BTBD7: variants seen among roughly 807,000 people sequenced by gnomAD.
BTBD7 encodes BTB domain containing 7.
BTBD7 carries 38 observed loss-of-function variants against 99.9 expected under a neutral mutation model. The observed-to-expected ratio is 0.38, with a 90% CI of 0.29 to 0.50. The LOEUF (loss-of-function observed/expected upper bound fraction) is 0.50. Among genes scored for constraint, BTBD7 ranks in the 20% least tolerant of loss-of-function variants. The pLI is 0.93. For synonymous variants in BTBD7, 520 were observed against 511.4 expected, an observed-to-expected ratio of 1.02 and a Z score of -0.23; for missense variants, 1,170 against 1,394.6, an observed-to-expected ratio of 0.84 and a Z score of 2.57.
chr14:93,331,785 A>T (rs1179723814), intron 1 of BTBD7, among the ~76,000 whole-genome samples: 2 of 151,822 alleles, frequency 1.3e-5, no homozygotes, highest in Non-Finnish European at 2.9e-5. Flanking sequence ...GGAGGCTGAG[A>T]CAGGAGAATC....
At position 93,240,374 on chromosome 14, in the gene BTBD7, AAAG is replaced by A. The variant is rs1453543088; in HGVS notation, c.*1896_*1898del. The A allele has an allele frequency of 6.6e-6, 1 of 152,650 alleles. No homozygotes were observed. The highest frequency in any genetic ancestry group is 1.5e-5 in the Non-Finnish European group (1 of 68,036). 9.5% of individuals were successfully genotyped at this position (152,650 alleles called of 1,614,324 possible). ...ATTCCTGAGTGTATATCCACAGGGT[AAAG>A]GAGGAAAAGACCGTAAGAGAAACTA... On this transcript the variant is annotated 3_prime_UTR_variant, in exon 11 of 11. Transcript: ENST00000334746.
intron 1 of BTBD7, among the ~76,000 whole-genome samples, chr14:93,313,533 A>G (rs760237157): frequency 6.6e-6 from 1 of 152,192 alleles, no homozygotes; most frequent in Non-Finnish European, 1.5e-5. Context: ...AGTACATCAC[A>G]TTCCACTAAT....
chr14:93,328,567 C>T (rs1454498195), intron 1 of BTBD7, among the ~76,000 whole-genome samples: 1 of 144,726 alleles, frequency 6.9e-6, no homozygotes, highest in Admixed American at 7.1e-5. Flanking sequence ...AATAGATATC[C>T]ACACATAAAG....
intron 5 of BTBD7, among the ~76,000 whole-genome samples, chr14:93,261,192 A>G (rs1470034441): frequency 6.6e-6 from 1 of 152,220 alleles, no homozygotes; most frequent in Non-Finnish European, 1.5e-5. Context: ...TATTTAAAAC[A>G]TTTTAAAGCG....
intron 3 of BTBD7, among the ~76,000 whole-genome samples, chr14:93,290,987 GT>G (rs34246296): frequency 0.017 from 1,313 of 76,786 alleles, 4 homozygotes; most frequent in South Asian, 0.076. Context: ...GCTAGGCCTA[GT>G]TTTTTTTTTT....
intron 1 of BTBD7, among the ~76,000 whole-genome samples, chr14:93,304,687 T>C (rs2053049792): frequency 6.6e-6 from 1 of 152,078 alleles, no homozygotes; most frequent in Admixed American, 6.6e-5. Context: ...CAGAGAGAAA[T>C]AGAACTGACA....
intron 3 of BTBD7, among the ~76,000 whole-genome samples, chr14:93,285,703 T>C (rs1255914266): frequency 4.6e-5 from 7 of 152,198 alleles, no homozygotes; most frequent in African/African-American, 1.4e-4. Context: ...CCAGTATATA[T>C]GCTAAGGTCA....
intron 7 of BTBD7, among the ~76,000 whole-genome samples, chr14:93,252,310 T>TAAAA (rs202045410): frequency 7.3e-6 from 1 of 137,102 alleles, no homozygotes; most frequent in South Asian, 2.3e-4. Flanking sequence ...AACTCCGTCT[T>TAAAA]AAAAAAAAAA....
chr14:93,304,384 T>C (rs2053045667), intron 1 of BTBD7, among the ~76,000 whole-genome samples: 1 of 152,242 alleles, frequency 6.6e-6, no homozygotes, highest in Non-Finnish European at 1.5e-5. Flanking sequence ...CGGAGTCTCG[T>C]GCTGTCGCCC....
rs79182521 is a variant in BTBD7, at chr14:93,242,097, A to C, written c.*176T>G. 2.2e-5 allele frequency: 13 copies of C among 592,558 alleles called. No individual in the cohort carries two copies. Among genetic ancestry groups the C allele is most frequent in the African/African-American group, 9.3e-5 (5 of 54,044 alleles). 36.7% of individuals were successfully genotyped at this position (592,558 alleles called of 1,614,324 possible). A position where few individuals can be genotyped will look rare whatever the true frequency, so the allele number is the denominator to read the frequency against. On this transcript the variant is annotated 3_prime_UTR_variant, in exon 11 of 11. Transcript: ENST00000334746. ...GACAGATGCAACATTAAAAAAAAAA[A>C]ACAAAACCTTCTTAGCATGCCATGT...
intron 3 of BTBD7, among the ~76,000 whole-genome samples, chr14:93,293,638 C>T (rs142170862): frequency 9.2e-5 from 14 of 152,238 alleles, no homozygotes; most frequent in Admixed American, 7.2e-4. Flanking sequence ...TCATTTAATG[C>T]TCTGAAGTCA....
intron 8 of BTBD7, among the ~76,000 whole-genome samples, chr14:93,250,603 T>C (rs1385825123): frequency 6.6e-6 from 1 of 152,238 alleles, no homozygotes; most frequent in Non-Finnish European, 1.5e-5. Flanking sequence ...TCTATTGCTA[T>C]AGTGTGCTGG....
intron 1 of BTBD7, among the ~76,000 whole-genome samples, chr14:93,300,702 ATTTGTG>A (rs1439713823): frequency 1.6e-4 from 17 of 107,554 alleles, no homozygotes; most frequent in South Asian, 3.4e-4. Flanking sequence ...TGCCCAGCTA[ATTTGTG>A]TGTGTGTGTG....
intron 10 of BTBD7, among the ~76,000 whole-genome samples, chr14:93,244,801 A>G (rs1211305277): frequency 6.6e-6 from 1 of 152,038 alleles, no homozygotes; most frequent in African/African-American, 2.4e-5. Context: ...CTTTTCTTCT[A>G]ACTTGCTACT....
Position 93,294,329 on chromosome 14 carries a change from T to A in BTBD7, c.691A>T (p.Asn231Tyr). The A allele has an allele frequency of 2.5e-6, 4 of 1,614,188 alleles. No individual in the cohort carries two copies. The highest frequency in any genetic ancestry group is 3.4e-6 in the Non-Finnish European group (4 of 1,180,036). Residue 231 changes from asparagine to tyrosine, a missense_variant, in exon 3 of 11, where the codon AAT becomes TAT. Around this residue, in one of 4 missense-constraint regions of BTBD7, gnomAD observed 359 missense variants for 497.9 expected, o/e 0.72. Coordinates refer to ENST00000334746, the MANE Select transcript of BTBD7 (RefSeq NM_001002860.4). ...CCACGCATATCTACATCAAGGGAAT[T>A]TGGTGTTCCAAATTCTTCACTAAGC... ...VQLSEEFGTP[N>Y]SLDVDMRGLF...
intron 1 of BTBD7, among the ~76,000 whole-genome samples, chr14:93,302,114 A>G (rs1566857883): frequency 6.6e-6 from 1 of 152,170 alleles, no homozygotes; most frequent in Non-Finnish European, 1.5e-5. Context: ...CAAGGCTGGA[A>G]ATCAGTTGTT....
intron 6 of BTBD7, among the ~76,000 whole-genome samples, chr14:93,254,233 G>A (rs1019320171): frequency 3.3e-5 from 5 of 151,878 alleles, no homozygotes; most frequent in East Asian, 1.9e-4. Context: ...CACCGTGCCC[G>A]GTGAAATACC....
At chr14:93,265,711 C>G (rs1028799635) in intron 3 of BTBD7, among the ~76,000 whole-genome samples, 5 of 152,388 alleles carry the variant, frequency 3.3e-5, no homozygotes, top group Non-Finnish European at 7.3e-5. Flanking sequence ...CACCTGAGGT[C>G]AGGAGTTCGA....
intron 1 of BTBD7, among the ~76,000 whole-genome samples, chr14:93,332,057 G>A (rs1016854299): frequency 3.9e-5 from 6 of 152,166 alleles, no homozygotes; most frequent in African/African-American, 1.4e-4. Context: ...GGTATGTGAA[G>A]ACGTGCAATT....
Sources: allele counts gnomAD v4.1 joint callset (sites outside exome capture counted in the v4.1 genomes callset), GRCh38; gene constraint gnomAD v4.1.1; regional missense constraint gnomAD v4.1.1; transcripts MANE v1.5; gene names NCBI Gene and HGNC (gene_info 2026-07-23, HGNC 2026-07-21).